Variants in KAZN observed in about 807,000 individuals in gnomAD.
KAZN encodes the protein kazrin.
A neutral mutation model predicts 87.4 loss-of-function variants in KAZN; 40 were observed. The observed-to-expected ratio is 0.46, with a 90% CI of 0.36 to 0.60. The LOEUF is 0.60. KAZN is among the 20% of genes least tolerant of loss of function. The pLI, the probability that KAZN is intolerant of heterozygous loss-of-function variation, is 0.00. For missense variants in KAZN, 898 were observed against 1,073.9 expected (o/e 0.84, Z 2.29); for synonymous variants, 466 against 458.3 (o/e 1.02, Z -0.22).
intron 8 of KAZN, among the ~76,000 whole-genome samples, chr1:15,079,230 A>G (rs1639891779): frequency 6.6e-6 from 1 of 152,140 alleles, no homozygotes; most frequent in South Asian, 2.1e-4. Context: ...CGCCTGTGGA[A>G]GAGGCTCAGC....
intron 2 of KAZN, among the ~76,000 whole-genome samples, chr1:14,284,189 G>T (rs1653064388): frequency 6.6e-6 from 1 of 152,112 alleles, no homozygotes; most frequent in African/African-American, 2.4e-5. Context: ...GGAGTGATAA[G>T]AATGTTCTAG....
chr1:14,611,833 G>A (rs1247168827), intron 1 of KAZN, among the ~76,000 whole-genome samples: 1 of 152,178 alleles, frequency 6.6e-6, no homozygotes, highest in Non-Finnish European at 1.5e-5. Flanking sequence ...AGCTAGTGTG[G>A]AAGTTGGCAA....
At position 15,017,169 on chromosome 1, in the gene KAZN, G is replaced by C. The variant is rs371740377; in HGVS notation, c.419-17580G>C. The stretch of plus-strand genomic sequence containing the variant: ...AAAAATTAGCCAGGCTTGGTGGCTC[G>C]CACCTGTAATCCCAGTCAATCAGGA... On this transcript the variant is annotated intron_variant, in intron 2 of 14. Transcript: ENST00000376030. Among the ~76,000 whole-genome samples, 12 of 151,704 alleles carry C rather than the reference G, an allele frequency of 7.9e-5. No homozygotes were observed. The East Asian group carries it at 1.8e-3, about 22-fold the overall frequency.
intron 1 of KAZN, among the ~76,000 whole-genome samples, chr1:14,608,480 G>A (rs774918114): frequency 1.3e-5 from 2 of 152,296 alleles, no homozygotes; most frequent in Non-Finnish European, 2.9e-5. Flanking sequence ...ATAAAAACAG[G>A]CTGGAAAATA....
intron 1 of KAZN, among the ~76,000 whole-genome samples, chr1:14,758,128 CTCT>C (rs1255710001): frequency 2.1e-5 from 3 of 145,518 alleles, no homozygotes; most frequent in African/African-American, 7.9e-5. Context: ...TGTTTTTTCT[CTCT>C]TTCCTTCCCT....
intron 4 of KAZN, among the ~76,000 whole-genome samples, chr1:15,050,534 G>A (rs912164507): frequency 8.5e-5 from 13 of 152,196 alleles, no homozygotes; most frequent in African/African-American, 3.1e-4. Context: ...GGAGGGCTTG[G>A]CCAAGCCTCA....
chr1:14,999,505 C>G (rs1035872669), intron 2 of KAZN, among the ~76,000 whole-genome samples: 2 of 137,950 alleles, frequency 1.4e-5, no homozygotes, highest in Non-Finnish European at 3.0e-5. Context: ...CCCCCCTCCC[C>G]CCGCCCCGCC....
At chr1:15,054,080 C>G (rs1438692886) in intron 4 of KAZN, among the ~76,000 whole-genome samples, 1 of 152,066 alleles carries the variant, frequency 6.6e-6, no homozygotes, top group Admixed American at 6.5e-5. Context: ...GGCATTAGGC[C>G]AAGGACTGTC....
intron 2 of KAZN, among the ~76,000 whole-genome samples, chr1:14,191,664 T>G (rs1646422151): frequency 6.6e-6 from 1 of 152,154 alleles, no homozygotes; most frequent in Non-Finnish European, 1.5e-5. Flanking sequence ...GCAAACCCTC[T>G]AATTTAACTA....
rs142618989 is a variant in KAZN at position 14,020,831 on chromosome 1, A to C, written c.91+127075A>C. Among the ~76,000 whole-genome samples, 145 of 152,318 alleles carry C rather than the reference A, an allele frequency of 9.5e-4. 1 individual carries two copies. Among genetic ancestry groups the C allele is most frequent in the African/African-American group, 3.5e-3 (144 of 41,572 alleles). On this transcript the variant is annotated intron_variant, in intron 1 of 16. Coordinates refer to the KAZN transcript ENST00000636203. ...ATTTAGTCCATCTTCTGGAATTCTC[A>C]AAACAGTAGGATATTTTAAGAACAC...
intron 1 of KAZN, among the ~76,000 whole-genome samples, chr1:14,144,464 T>C (rs972304030): frequency 6.6e-6 from 1 of 152,136 alleles, no homozygotes; most frequent in Admixed American, 6.5e-5. Context: ...ATTATTATTT[T>C]TTTTTGTAGA....
chr1:14,417,890 G>A (rs1041049968), intron 2 of KAZN, among the ~76,000 whole-genome samples: 1 of 151,046 alleles, frequency 6.6e-6, no homozygotes, highest in Admixed American at 6.6e-5. Flanking sequence ...CAGCTACTCG[G>A]TAGGCCGAGG....
intron 1 of KAZN, among the ~76,000 whole-genome samples, chr1:14,951,188 G>A (rs1409748396): frequency 2.6e-5 from 4 of 152,112 alleles, no homozygotes; most frequent in African/African-American, 7.3e-5. Context: ...TTCCTGCCAC[G>A]TGCTATGCCC....
At chr1:14,538,777 A>G (rs1282554261) in intron 2 of KAZN, among the ~76,000 whole-genome samples, 2 of 152,226 alleles carry the variant, frequency 1.3e-5, no homozygotes, top group Non-Finnish European at 2.9e-5. Context: ...TTCATCAGTA[A>G]ACTGATCACT....
At chr1:13,962,065 A>G (rs1004829117) in intron 1 of KAZN, among the ~76,000 whole-genome samples, 4 of 152,132 alleles carry the variant, frequency 2.6e-5, no homozygotes, top group Admixed American at 2.6e-4. Context: ...AGCGTTGGCC[A>G]TGCAGGAACG....
intron 2 of KAZN, among the ~76,000 whole-genome samples, chr1:14,525,469 G>A (rs1671813384): frequency 6.6e-6 from 1 of 152,214 alleles, no homozygotes. Flanking sequence ...GAGCATGCTT[G>A]TGTTCCGATA....
chr1:14,144,799 G>A (rs563814665), intron 1 of KAZN, among the ~76,000 whole-genome samples: 4 of 152,146 alleles, frequency 2.6e-5, no homozygotes, highest in Non-Finnish European at 4.4e-5. Flanking sequence ...GGAAGCAAGT[G>A]GGGGGAAGTT....
chr1:13,919,621 G>A (rs1033161660), intron 1 of KAZN, among the ~76,000 whole-genome samples: 2 of 152,168 alleles, frequency 1.3e-5, no homozygotes, highest in African/African-American at 4.8e-5. Context: ...TGGCCATTTG[G>A]ACATCTGTTG....
At chr1:14,457,815 T>G (rs1184794482) in intron 2 of KAZN, among the ~76,000 whole-genome samples, 1 of 149,800 alleles carries the variant, frequency 6.7e-6, no homozygotes, top group African/African-American at 2.5e-5. Flanking sequence ...TGTTGTTGTT[T>G]TTTGTTTTGT....
Sources: allele counts gnomAD v4.1 joint callset (sites outside exome capture counted in the v4.1 genomes callset), GRCh38; gene constraint gnomAD v4.1.1; transcripts MANE v1.5; gene names NCBI Gene and HGNC (gene_info 2026-07-23, HGNC 2026-07-21).